Variants in MAML2 observed in about 807,000 individuals in gnomAD.
MAML2 encodes mastermind like transcriptional coactivator 2.
MAML2 carries 22 observed loss-of-function variants against 96.1 expected under a neutral mutation model. The ratio of observed to expected loss-of-function variants is 0.23; its 90% CI spans 0.16 to 0.33. The LOEUF (loss-of-function observed/expected upper bound fraction) is 0.33, where lower values mean the gene tolerates loss of function less well. Ranked by LOEUF, MAML2 falls within the 10% of genes least tolerant of loss-of-function variation. The pLI is 1.00. For missense variants in MAML2, 1,367 were observed against 1,392.4 expected (o/e 0.98, Z 0.29); for synonymous variants, 561 against 521.3 (o/e 1.08, Z -1.04).
chr11:96,215,133 G>A (rs911827643), intron 1 of MAML2, among the ~76,000 whole-genome samples: 1 of 152,244 alleles, frequency 6.6e-6, no homozygotes, highest in Non-Finnish European at 1.5e-5. Context: ...GAAATCATGA[G>A]TCATTTGTGT....
intron 3 of MAML2, among the ~76,000 whole-genome samples, chr11:95,991,062 TC>T (rs1217400248): frequency 6.6e-6 from 1 of 152,068 alleles, no homozygotes; most frequent in Non-Finnish European, 1.5e-5. Flanking sequence ...TTTTAAAAAA[TC>T]CCCCATTGTG....
At chr11:96,310,708 G>C (rs1300354425) in intron 1 of MAML2, among the ~76,000 whole-genome samples, 1 of 152,166 alleles carries the variant, frequency 6.6e-6, no homozygotes, top group Non-Finnish European at 1.5e-5. Flanking sequence ...CTTCACGCAA[G>C]TCAATTCAAA....
intron 1 of MAML2, among the ~76,000 whole-genome samples, chr11:96,334,488 G>A (rs1235664818): frequency 2.0e-5 from 3 of 152,104 alleles, no homozygotes; most frequent in Non-Finnish European, 2.9e-5. Flanking sequence ...TTGAAATCTG[G>A]TCGTCTCACC....
Position 96,159,404 on chromosome 11 carries a change from ATTCTTTTT to A in MAML2, c.514-65895_514-65888del, listed in dbSNP as rs1356270562. Among the ~76,000 whole-genome samples, 28 of 62,012 alleles carry A rather than the reference ATTCTTTTT, an allele frequency of 4.5e-4. 3 individuals are homozygous for A. The Admixed American group carries it at 5.0e-3, about 11-fold the overall frequency. 40.7% of individuals were successfully genotyped at this position (62,012 alleles called of 152,430 possible). A position where few individuals can be genotyped will look rare whatever the true frequency, so the allele number is the denominator to read the frequency against. On this transcript the variant is annotated intron_variant, in intron 1 of 4. Coordinates refer to ENST00000524717, the MANE Select transcript of MAML2 (RefSeq NM_032427.4). ...TACTAACCGTGCCTCTAAACCACTG[ATTCTTTTT>A]TTTTTTTTTTTTTTTTTTGAGACGG...
chr11:96,223,692 G>C (rs1418860744), intron 1 of MAML2, among the ~76,000 whole-genome samples: 1 of 152,028 alleles, frequency 6.6e-6, no homozygotes, highest in African/African-American at 2.4e-5. Flanking sequence ...GAACTCGATA[G>C]GTATTTTTTT....
At chr11:96,274,077 C>CTTTTTTTTTT (rs992096555) in intron 1 of MAML2, among the ~76,000 whole-genome samples, 2 of 91,790 alleles carry the variant, frequency 2.2e-5, no homozygotes, top group Non-Finnish European at 4.2e-5. Flanking sequence ...TTTCCTTTTC[C>CTTTTTTTTTT]TTTTTTTTTT....
chr11:96,134,587 T>C (rs1193692153), intron 1 of MAML2, among the ~76,000 whole-genome samples: 1 of 152,262 alleles, frequency 6.6e-6, no homozygotes, highest in Non-Finnish European at 1.5e-5. Context: ...TTTTGCTGTA[T>C]GTAAATTAGT....
chr11:96,135,589 T>A (rs1860617994), intron 1 of MAML2, among the ~76,000 whole-genome samples: 1 of 151,124 alleles, frequency 6.6e-6, no homozygotes, highest in Non-Finnish European at 1.5e-5. Context: ...TTTATAGTAT[T>A]TTTGTGCTGG....
At position 95,978,715 on chromosome 11, in the gene MAML2, A is replaced by G. The variant is rs1591073983; in HGVS notation, c.*233T>C. 2.0e-6 allele frequency: 1 copy of G among 510,440 alleles called. No individual in the cohort carries two copies. Among genetic ancestry groups the G allele is most frequent in the East Asian group, 3.2e-5 (1 of 30,818 alleles). 31.6% of individuals were successfully genotyped at this position (510,440 alleles called of 1,614,324 possible). A position where few individuals can be genotyped will look rare whatever the true frequency, so the allele number is the denominator to read the frequency against. ...TCTGTTTGGATAAATTGGATACTGTATCCTGGAGTTTAGACAGGGAAAAGT... is the reference window on the plus strand; with the variant it reads ...TCTGTTTGGATAAATTGGATACTGTGTCCTGGAGTTTAGACAGGGAAAAGT... On this transcript the variant is annotated 3_prime_UTR_variant, in exon 5 of 5. Coordinates refer to ENST00000524717, the MANE Select transcript of MAML2 (RefSeq NM_032427.4).
chr11:96,328,555 A>G (rs1158145584), intron 1 of MAML2, among the ~76,000 whole-genome samples: 2 of 152,148 alleles, frequency 1.3e-5, no homozygotes, highest in Non-Finnish European at 2.9e-5. Flanking sequence ...CCACCCCCCA[A>G]GATCGTACGA....
rs1349587133 is a variant in MAML2 at position 96,288,160 on chromosome 11, G to GA, written c.513+53222dup. Among the ~76,000 whole-genome samples, 4 of 152,126 alleles carry GA rather than the reference G, an allele frequency of 2.6e-5. No homozygotes were observed. In the East Asian group the frequency reaches 7.7e-4, roughly 29 times the overall value. ...GTTGATGCAAAAAGAAACAGAAGTA[G>GA]AAAAAAATTAGATCTCAGAGCAAAT... On this transcript the variant is annotated intron_variant, in intron 1 of 4. Coordinates refer to ENST00000524717, the MANE Select transcript of MAML2 (RefSeq NM_032427.4).
chr11:96,041,727 GA>G (rs1198809892), intron 2 of MAML2, among the ~76,000 whole-genome samples: 1 of 150,740 alleles, frequency 6.6e-6, no homozygotes, highest in Non-Finnish European at 1.5e-5. Flanking sequence ...TGGAGTGAGT[GA>G]TTTTTTTTTT....
At chr11:96,188,358 C>G (rs1323887486) in intron 1 of MAML2, among the ~76,000 whole-genome samples, 2 of 152,192 alleles carry the variant, frequency 1.3e-5, no homozygotes, top group South Asian at 4.1e-4. Flanking sequence ...TCTCTCTCTA[C>G]CCCCATCCTT....
In MAML2 at chr11:96,342,193, AT is replaced by A. The variant is rs36084804; in HGVS notation, c.-299del. 1.4e-4 allele frequency: 65 copies of A among 468,198 alleles called. No homozygotes were observed. The highest frequency in any genetic ancestry group is 9.3e-4 in the African/African-American group (47 of 50,702). 29.0% of individuals were successfully genotyped at this position (468,198 alleles called of 1,614,324 possible). On this transcript the variant is annotated 5_prime_UTR_variant, in exon 1 of 5. Coordinates refer to ENST00000524717, the MANE Select transcript of MAML2 (RefSeq NM_032427.4). Reference sequence around the variant, plus strand: ...TGGAGAAGTTGGACAGAGTTGGTGGATTTTTTTTCCTCCACCAAGCTGACAA... The same window carrying A: ...TGGAGAAGTTGGACAGAGTTGGTGGATTTTTTTCCTCCACCAAGCTGACAA...
intron 1 of MAML2, among the ~76,000 whole-genome samples, chr11:96,322,667 G>A (rs118078025): frequency 0.033 from 4,994 of 152,296 alleles, 122 homozygotes; most frequent in Non-Finnish European, 0.049. Flanking sequence ...ACTCCACCCT[G>A]GGGGCCACGG....
At chr11:95,999,574 TAAA>T (rs5793766) in intron 2 of MAML2, among the ~76,000 whole-genome samples, 13 of 138,538 alleles carry the variant, frequency 9.4e-5, no homozygotes, top group East Asian at 2.0e-4. Flanking sequence ...TTCTCTTAAT[TAAA>T]AAAAAAAAAA....
chr11:96,045,902 G>T lies in MAML2; in HGVS notation c.2139+45990C>A, dbSNP rs200379849. Among the ~76,000 whole-genome samples the T allele has an allele frequency of 9.5e-3, 1,292 of 136,030 alleles. 15 individuals are homozygous for T. The highest frequency in any genetic ancestry group is 0.044 in the Middle Eastern group (11 of 250). The allele number at this position is 136,030 out of a possible 152,430, so 89.2% of individuals were successfully genotyped here. A position where few individuals can be genotyped will look rare whatever the true frequency, so the allele number is the denominator to read the frequency against. On this transcript the variant is annotated intron_variant, in intron 2 of 4. Coordinates refer to ENST00000524717, the MANE Select transcript of MAML2 (RefSeq NM_032427.4). The stretch of plus-strand genomic sequence containing the variant: ...TTTTTCTCCCAGTCAGCACACTTCT[G>T]TTTTTTTTTTTTTTTTCCCCCATTC...
rs116014140 is a variant in MAML2 at position 96,198,015 on chromosome 11, C to G, written c.514-104498G>C. ...AAACTTGCAATGAGTAAGTAAACAC[C>G]AGGTCAAGAGGAACTGAGAGATTGG... On this transcript the variant is annotated intron_variant, in intron 1 of 4. Coordinates refer to ENST00000524717, the MANE Select transcript of MAML2 (RefSeq NM_032427.4). 2.9e-3 allele frequency among the ~76,000 whole-genome samples: 435 copies of G among 152,212 alleles called. 1 individual carries two copies. Among genetic ancestry groups the G allele is most frequent in the African/African-American group, 9.9e-3 (412 of 41,530 alleles).
chr11:96,140,026 C>A (rs1250209529), intron 1 of MAML2, among the ~76,000 whole-genome samples: 1 of 152,196 alleles, frequency 6.6e-6, no homozygotes, highest in Non-Finnish European at 1.5e-5. Flanking sequence ...AGTTCTCAAA[C>A]CCAAGTAAAT....
Sources: gnomAD v4.1 joint callset for allele counts (sites outside exome capture counted in the v4.1 genomes callset) on GRCh38, gnomAD v4.1.1 for gene constraint, MANE v1.5 for transcripts, NCBI Gene and HGNC (gene_info 2026-07-23, HGNC 2026-07-21) for gene names.